The following SLC12A9 variants were observed in gnomAD, a reference collection of about 807,000 sequenced individuals.
SLC12A9 encodes CCC-interacting protein 1.
SLC12A9 carries 55 observed loss-of-function variants against 66.0 expected under a neutral mutation model. The observed-to-expected ratio is 0.83, with a 90% CI of 0.67 to 1.04. SLC12A9 has a LOEUF of 1.04. Among genes scored for constraint, SLC12A9 ranks in the 50% least tolerant of loss-of-function variants. The probability of loss-of-function intolerance (pLI) is 0.00; values close to 1 mark genes in which losing one functional copy is unlikely to be tolerated. For missense variants in SLC12A9, 1,061 were observed against 1,241.9 expected (o/e 0.85, Z 2.19); for synonymous variants, 577 against 569.0 (o/e 1.01, Z -0.20).
At chr7:100,829,712 C>A (rs1813506376) in intron 1 of SLC12A9, among the ~76,000 whole-genome samples, 1 of 152,198 alleles carries the variant, frequency 6.6e-6, no homozygotes, top group South Asian at 2.1e-4. Flanking sequence ...TCACTCTGTA[C>A]CCAGATCCTG....
upstream of SLC12A9, chr7:100,852,435 C>T (rs947739492): frequency 6.6e-6 from 1 of 152,344 alleles, no homozygotes; most frequent in Non-Finnish European, 1.5e-5. Context: ...CCTCACACGC[C>T]CCCTTTAGTG....
In SLC12A9 at chr7:100,854,307, T is replaced by G; in HGVS notation, c.110T>G (p.Leu37Arg). ...GGPGGASARK[L>R]STFLGVVVPT... ...CCTGGAGGGGCGTCTGCCCGGAAGC[T>G]GTCCACCTTCCTGGGTGTGGTGGTG... Residue 37 changes from leucine (L) to arginine (R), a missense_variant, in exon 2 of 14, where the codon CTG becomes CGG. Leu to Arg is a moderately radical substitution (Grantham distance 102, BLOSUM62 -2). Coordinates refer to ENST00000354161, the MANE Select transcript of SLC12A9 (RefSeq NM_020246.4). 2 of 1,606,492 alleles carry G rather than the reference T, an allele frequency of 1.2e-6. No homozygotes were observed. Among genetic ancestry groups the G allele is most frequent in the Non-Finnish European group, 1.7e-6 (2 of 1,178,122 alleles).
intron 1 of SLC12A9, among the ~76,000 whole-genome samples, chr7:100,836,834 A>G (rs1813670069): frequency 8.5e-6 from 1 of 117,646 alleles, no homozygotes; most frequent in African/African-American, 3.3e-5. Context: ...ACCAGACTTA[A>G]TCCTGGGGAG....
chr7:100,827,133 A>G, intron 1 of SLC12A9: 1 of 1,304,978 alleles, frequency 7.7e-7, no homozygotes, highest in Non-Finnish European at 1.0e-6. Context: ...TCCGCGCGGG[A>G]CTCCTCGTCG....
chr7:100,865,567 A>C (rs1185637363), intron 13 of SLC12A9, 152 bp from the exon 14 acceptor site: 3 of 1,582,566 alleles, frequency 1.9e-6, no homozygotes, highest in Middle Eastern at 4.6e-4. Flanking sequence ...TCTTTATGCA[A>C]ATATGCAGAA....
At position 100,861,802 on chromosome 7, in the gene SLC12A9, G is replaced by A; in HGVS notation, c.1602G>A (p.Leu534=). 6.2e-7 allele frequency: 1 copy of A among 1,614,136 alleles called. No individual in the cohort carries two copies. The highest frequency in any genetic ancestry group is 1.3e-5 in the African/African-American group (1 of 75,030). ...ACGTGAAGTTCTGGCGGCCCCAGCT[G>A]CTGCTCCTGGTGGGGAACCCCCGGG... The part of the protein sequence containing the change: ...KDHVKFWRPQ[L]LLLVGNPRGA... The change falls in exon 12 of 14, where the codon CTG becomes CTA. Residue 534 remains leucine (L), a synonymous_variant. Transcript: ENST00000354161. The surrounding 1 kb of genome is among the most constrained non-coding windows in gnomAD (Gnocchi z 5.3).
chr7:100,860,441 C>T, intron 9 of SLC12A9: 1 of 581,746 alleles, frequency 1.7e-6, no homozygotes, highest in Non-Finnish European at 3.0e-6. Flanking sequence ...CATTGGCACC[C>T]TGGGAGGTTC....
chr7:100,829,410 C>T (rs1813499098), intron 1 of SLC12A9, among the ~76,000 whole-genome samples: 1 of 152,142 alleles, frequency 6.6e-6, no homozygotes, highest in South Asian at 2.1e-4. Flanking sequence ...ACAGCCGGGC[C>T]TGTGATAACC....
Position 100,866,764 on chromosome 7 carries a change from C to A in SLC12A9, c.*159C>A. On this transcript the variant is annotated 3_prime_UTR_variant, in exon 14 of 14. Coordinates refer to ENST00000354161, the MANE Select transcript of SLC12A9 (RefSeq NM_020246.4). This position sits in a 1 kb window ranked among gnomAD's most constrained non-coding sequence, Gnocchi z 7.3. ...GGGGATCCTGGGCTTGGGCATCACG[C>A]CCACCTCCTTTGGCAGAGGGACCCC... 1 of 748,874 alleles carries A rather than the reference C, an allele frequency of 1.3e-6. No homozygotes were observed. Among genetic ancestry groups the A allele is most frequent in the Non-Finnish European group, 2.0e-6 (1 of 496,274 alleles). 46.4% of individuals were successfully genotyped at this position (748,874 alleles called of 1,614,324 possible).
intron 9 of SLC12A9, chr7:100,860,734 A>G (rs994537226): frequency 1.4e-4 from 52 of 379,282 alleles, no homozygotes; most frequent in Non-Finnish European, 1.9e-4. Flanking sequence ...GGGTTCATTG[A>G]CACTTTGGGG....
intron 1 of SLC12A9, among the ~76,000 whole-genome samples, chr7:100,828,551 C>CAAAAAAA: frequency 2.5e-5 from 1 of 40,650 alleles, no homozygotes; most frequent in South Asian, 1.2e-3. Flanking sequence ...GACGAAATCT[C>CAAAAAAA]AAAAAAAAAA....
At chr7:100,850,616 C>T (rs1250445674), upstream of SLC12A9, among the ~76,000 whole-genome samples, 1 of 152,058 alleles carries the variant, frequency 6.6e-6, no homozygotes, top group Non-Finnish European at 1.5e-5. Flanking sequence ...TCATAGCTCA[C>T]TCAACCTCCT....
intron 1 of SLC12A9, 30 bp from the exon 2 acceptor site, chr7:100,854,126 G>A: frequency 7.0e-7 from 1 of 1,418,832 alleles, no homozygotes; most frequent in Admixed American, 2.6e-5. Context: ...CTGTGGGGGA[G>A]CTTTTGATGC....
intron 1 of SLC12A9, among the ~76,000 whole-genome samples, chr7:100,828,683 C>T (rs906918665): frequency 1.3e-5 from 2 of 152,094 alleles, no homozygotes; most frequent in African/African-American, 4.8e-5. Context: ...CAGCCATGAC[C>T]CCTGAGGCTG....
intron 1 of SLC12A9, chr7:100,827,328 C>A (rs1370450941): frequency 1.3e-5 from 2 of 151,694 alleles, no homozygotes; most frequent in African/African-American, 4.9e-5. Context: ...GGTCCCGCCC[C>A]GGGTGGCGGG....
rs745568147 is a variant in SLC12A9 at position 100,866,244 on chromosome 7, G to T, written c.2384G>T (p.Arg795Leu). Reference protein sequence around the residue: ...LRALLSQLRIRAEVQEVVWGE... With the variant: ...LRALLSQLRILAEVQEVVWGE... The stretch of plus-strand genomic sequence containing the variant: ...GCACTGCTGAGCCAACTGAGGATCC[G>T]GGCTGAGGTGCAGGAGGTGGTGTGG... Residue 795 changes from arginine (R) to leucine (L), a missense_variant, in exon 14 of 14, where the codon CGG (arginine) becomes CTG (leucine). Arg to Leu is a moderately radical substitution (Grantham distance 102, BLOSUM62 -2). Transcript: ENST00000354161. This position sits in a 1 kb window ranked among gnomAD's most constrained non-coding sequence, Gnocchi z 7.3. 4.0e-5 allele frequency: 64 copies of T among 1,598,974 alleles called. No homozygotes were observed. The highest frequency in any genetic ancestry group is 6.8e-6 in the Non-Finnish European group (8 of 1,173,158).
intron 1 of SLC12A9, among the ~76,000 whole-genome samples, chr7:100,829,279 C>T (rs111663884): frequency 9.9e-5 from 15 of 152,220 alleles, no homozygotes; most frequent in African/African-American, 2.6e-4. Context: ...TTAGCCACCG[C>T]GCCCAGCCGG....
At chr7:100,846,941 G>GT (rs1813930622) in intron 1 of SLC12A9, among the ~76,000 whole-genome samples, 3 of 152,066 alleles carry the variant, frequency 2.0e-5, no homozygotes, top group Admixed American at 2.0e-4. Flanking sequence ...TCCCTGTCCT[G>GT]TTTTCTTCCA....
At chr7:100,849,878 C>CT (rs371466546), upstream of SLC12A9, among the ~76,000 whole-genome samples, 854 of 144,976 alleles carry the variant, frequency 5.9e-3, 3 homozygotes, top group African/African-American at 0.017. Flanking sequence ...CTTCCCTTCC[C>CT]TTTTTTTTTT....
Sources: allele counts gnomAD v4.1 joint callset (sites outside exome capture counted in the v4.1 genomes callset), GRCh38; gene constraint gnomAD v4.1.1; non-coding constraint Gnocchi (gnomAD v3.1); transcripts MANE v1.5; gene names NCBI Gene and HGNC (gene_info 2026-07-23, HGNC 2026-07-21).